Variants in ARHGEF4 observed in about 807,000 individuals in gnomAD.
ARHGEF4 encodes Rho guanine nucleotide exchange factor 4.
Under a neutral mutation model 162.0 loss-of-function variants are expected in ARHGEF4, and 119 were observed. The ratio of observed to expected loss-of-function variants is 0.73; its 90% CI spans 0.63 to 0.86. The LOEUF is 0.86. Among genes scored for constraint, ARHGEF4 ranks in the 40% least tolerant of loss-of-function variants. ARHGEF4 has a pLI of 0.00. For missense variants in ARHGEF4, 2,488 were observed against 2,456.0 expected, an observed-to-expected ratio of 1.01 and a Z score of -0.28; for synonymous variants, 1,014 against 979.9, an observed-to-expected ratio of 1.03 and a Z score of -0.65.
At chr2:131,004,319 C>T (rs183959462) in intron 4 of ARHGEF4, among the ~76,000 whole-genome samples, 7 of 152,256 alleles carry the variant, frequency 4.6e-5, no homozygotes, top group Admixed American at 3.9e-4. Context: ...GCCCCCGCCA[C>T]CATGCTTGTC....
Position 130,916,564 on chromosome 2 carries a change from G to C in ARHGEF4, c.2618G>C (p.Gly873Ala). The C allele has an allele frequency of 6.4e-7, 1 of 1,550,392 alleles. No homozygotes were observed. Among genetic ancestry groups the C allele is most frequent in the East Asian group, 2.4e-5 (1 of 40,900 alleles). The change falls in exon 2 of 14, where the codon GGA becomes GCA. Residue 873 changes from glycine to alanine, a missense_variant. By Grantham distance (60) the Gly-to-Ala change is moderately conservative. This residue lies in a region of ARHGEF4 where 1,642 missense variants were observed against 1,481.5 expected (regional missense o/e 1.11). Coordinates refer to ENST00000409359, the MANE Select transcript of ARHGEF4 (RefSeq NM_001367493.1). The stretch of plus-strand genomic sequence containing the variant: ...GGCGACAGGACTGCAGGGCCGGCAG[G>C]AGCGGGGCACACGGGGACCTCAGGG... The part of the protein sequence containing the change: ...AAGDRTAGPA[G>A]AGHTGTSGDL...
At chr2:131,029,230 G>T (rs1301162381) in intron 5 of ARHGEF4, among the ~76,000 whole-genome samples, 1 of 152,026 alleles carries the variant, frequency 6.6e-6, no homozygotes, top group African/African-American at 2.4e-5. Context: ...ATGGTGGCGG[G>T]CACCTGTAAT....
chr2:131,039,067 G>A lies in ARHGEF4; in HGVS notation c.4305+35G>A, dbSNP rs769178941. ...CAAGCCCCAGCTTCTCCCAAGTTGG[G>A]CCCATAAAAAGCTACCTGGTTCTGC... is the stretch of plus-strand genomic sequence containing the variant. On this transcript the variant is annotated intron_variant, in intron 6 of 13. Coordinates refer to ENST00000409359, the MANE Select transcript of ARHGEF4 (RefSeq NM_001367493.1). The A allele has an allele frequency of 9.6e-6, 15 of 1,570,508 alleles. No individual in the cohort carries two copies. The East Asian group carries it at 3.2e-4, about 33-fold the overall frequency.
intron 1 of ARHGEF4, among the ~76,000 whole-genome samples, chr2:130,884,314 A>C (rs867203785): frequency 2.0e-4 from 30 of 152,166 alleles, no homozygotes; most frequent in Middle Eastern, 3.4e-3. Context: ...ACACACACAC[A>C]CACACCCACA....
intron 1 of ARHGEF4, among the ~76,000 whole-genome samples, chr2:130,839,540 G>A (rs1241892878): frequency 6.6e-6 from 1 of 152,206 alleles, no homozygotes; most frequent in Non-Finnish European, 1.5e-5. Context: ...GGCACCGTGG[G>A]ATCCATGGGG....
chr2:130,945,883 T>C (rs140895252), intron 3 of ARHGEF4, among the ~76,000 whole-genome samples: 16 of 152,310 alleles, frequency 1.1e-4, no homozygotes, highest in Admixed American at 2.6e-4. Context: ...TGCTTAATAG[T>C]ATGAGGAATA....
intron 4 of ARHGEF4, among the ~76,000 whole-genome samples, chr2:130,961,636 C>A (rs1217152946): frequency 6.6e-6 from 1 of 152,156 alleles, no homozygotes; most frequent in Non-Finnish European, 1.5e-5. Flanking sequence ...TTTTAGAGCT[C>A]CCTTGGGCTG....
At chr2:130,889,985 C>T (rs1270983676) in intron 1 of ARHGEF4, among the ~76,000 whole-genome samples, 1 of 152,096 alleles carries the variant, frequency 6.6e-6, no homozygotes, top group Non-Finnish European at 1.5e-5. Flanking sequence ...CTGATAATAG[C>T]ATTTTTTCCT....
intron 5 of ARHGEF4, chr2:131,035,952 C>A: frequency 4.0e-6 from 3 of 758,228 alleles, no homozygotes; most frequent in Non-Finnish European, 4.8e-6. Context: ...GAGGGGATCC[C>A]GCTCCCTGCC....
intron 3 of ARHGEF4, among the ~76,000 whole-genome samples, chr2:130,933,090 C>T (rs1049229964): frequency 3.9e-5 from 6 of 152,046 alleles, no homozygotes; most frequent in East Asian, 1.9e-4. Context: ...TAGCACGCAC[C>T]TGTACTCCCA....
chr2:130,941,893 G>C (rs1253725604), intron 3 of ARHGEF4, among the ~76,000 whole-genome samples: 1 of 152,046 alleles, frequency 6.6e-6, no homozygotes, highest in Non-Finnish European at 1.5e-5. Context: ...GTCAACTGTA[G>C]TCACAAGCTT....
intron 1 of ARHGEF4, among the ~76,000 whole-genome samples, chr2:130,862,921 A>G (rs1435885891): frequency 9.6e-6 from 1 of 104,202 alleles, no homozygotes; most frequent in Non-Finnish European, 1.7e-5. Flanking sequence ...TGTATCCAGA[A>G]TATACATAAA....
chr2:130,848,311 C>T (rs966393483), intron 1 of ARHGEF4, among the ~76,000 whole-genome samples: 1 of 152,182 alleles, frequency 6.6e-6, no homozygotes. Flanking sequence ...CATACCGACT[C>T]GACCCCAAGG....
chr2:131,004,315 G>A (rs995132817), intron 4 of ARHGEF4, among the ~76,000 whole-genome samples: 13 of 152,096 alleles, frequency 8.5e-5, no homozygotes, highest in Non-Finnish European at 1.6e-4. Flanking sequence ...ACAGGCCCCC[G>A]CCACCATGCT....
chr2:130,965,654 C>T (rs1684954384), intron 4 of ARHGEF4, among the ~76,000 whole-genome samples: 1 of 152,198 alleles, frequency 6.6e-6, no homozygotes, highest in Admixed American at 6.5e-5. Context: ...TTTCCAGAGG[C>T]CTCAGTCCTC....
intron 5 of ARHGEF4, among the ~76,000 whole-genome samples, chr2:131,028,804 G>A (rs1247262539): frequency 1.3e-5 from 2 of 152,218 alleles, no homozygotes; most frequent in African/African-American, 4.8e-5. Context: ...CATAGCAAAT[G>A]CCATGTTCTC....
intron 4 of ARHGEF4, among the ~76,000 whole-genome samples, chr2:130,954,203 C>T (rs1342410605): frequency 6.6e-6 from 1 of 152,190 alleles, no homozygotes; most frequent in Non-Finnish European, 1.5e-5. Flanking sequence ...CATATATACA[C>T]CGTGGAATAC....
intron 4 of ARHGEF4, among the ~76,000 whole-genome samples, chr2:131,023,645 A>T (rs1320844315): frequency 6.6e-6 from 1 of 152,214 alleles, no homozygotes; most frequent in African/African-American, 2.4e-5. Flanking sequence ...GATCTCTGAG[A>T]CATTGAGAGT....
intron 1 of ARHGEF4, among the ~76,000 whole-genome samples, chr2:130,878,795 A>G (rs1385476736): frequency 6.6e-6 from 1 of 152,212 alleles, no homozygotes; most frequent in African/African-American, 2.4e-5. Context: ...GATAAATGAA[A>G]TATGGTCCCC....
Sources: gnomAD v4.1 joint callset for allele counts (sites outside exome capture counted in the v4.1 genomes callset) on GRCh38, gnomAD v4.1.1 for gene constraint, gnomAD v4.1.1 regional missense constraint, MANE v1.5 for transcripts, NCBI Gene and HGNC (gene_info 2026-07-23, HGNC 2026-07-21) for gene names.